ATCAY: variants seen among roughly 807,000 people sequenced by gnomAD.
The protein encoded by ATCAY is caytaxin.
ATCAY carries 22 observed loss-of-function variants against 47.7 expected under a neutral mutation model. That is an observed-to-expected ratio of 0.46 (90% CI 0.33 to 0.66). The LOEUF (loss-of-function observed/expected upper bound fraction) is 0.66, where lower values mean the gene tolerates loss of function less well. ATCAY is among the 30% of genes least tolerant of loss of function. ATCAY has a pLI of 0.02. For synonymous variants in ATCAY, 216 were observed against 207.6 expected, an observed-to-expected ratio of 1.04 and a Z score of -0.35; for missense variants, 452 against 515.0, an observed-to-expected ratio of 0.88 and a Z score of 1.18.
rs2038867309 is a variant in ATCAY, at chr19:3,907,062, A to G, written c.359-672A>G. Among the ~76,000 whole-genome samples, 1 of 149,486 alleles carries G rather than the reference A, an allele frequency of 6.7e-6. No individual in the cohort carries two copies. Among genetic ancestry groups the G allele is most frequent in the Admixed American group, 6.8e-5 (1 of 14,792 alleles). ...GGCAGGAGAATCGCTTGAACTCTGG[A>G]GGCAGAGGCTGCAGTGAGCAGAGAT... is the stretch of plus-strand genomic sequence containing the variant. On this transcript the variant is annotated intron_variant, in intron 4 of 12. Transcript: ENST00000450849. This position sits in a 1 kb window ranked among gnomAD's most constrained non-coding sequence, Gnocchi z 5.1.
intron 2 of ATCAY, 143 bp downstream of exon 2, chr19:3,885,987 C>A: frequency 1.3e-6 from 1 of 781,338 alleles, no homozygotes; most frequent in East Asian, 2.7e-5. Flanking sequence ...CTCTCCCGCA[C>A]ACTCTGGGAG....
chr19:3,922,537 C>A (rs1599150198), intron 12 of ATCAY, among the ~76,000 whole-genome samples: 1 of 152,244 alleles, frequency 6.6e-6, no homozygotes, highest in East Asian at 1.9e-4. Context: ...GTTATGGGAA[C>A]TACAATTCAA....
chr19:3,923,484 T>C (rs1599150607), intron 12 of ATCAY, among the ~76,000 whole-genome samples: 1 of 147,964 alleles, frequency 6.8e-6, no homozygotes, highest in East Asian at 2.1e-4. Flanking sequence ...GTTTGGATGA[T>C]GGGTGGATAG....
intron 6 of ATCAY, among the ~76,000 whole-genome samples, chr19:3,909,105 C>T (rs1379924046): frequency 2.3e-5 from 3 of 129,172 alleles, no homozygotes; most frequent in South Asian, 3.0e-4. Context: ...GGCTCGGTGG[C>T]AGGCGCCTGT....
At position 3,909,540 on chromosome 19, in the gene ATCAY, C is replaced by T. The variant is rs769951773; in HGVS notation, c.702C>T (p.Tyr234=). The T allele has an allele frequency of 1.9e-6, 3 of 1,613,828 alleles. No homozygotes were observed. Among genetic ancestry groups the T allele is most frequent in the South Asian group, 1.1e-5 (1 of 91,078 alleles). ...TGGCTGAGGACTACATGATCGTGTA[C>T]CTGAACGGTGCCACGCCCCGGCGGA... ...LLVAEDYMIV[Y]LNGATPRRRM... The change falls in exon 7 of 13, where the codon TAC becomes TAT. Residue 234 remains tyrosine (Y), a synonymous_variant. Coordinates refer to ENST00000450849, the MANE Select transcript of ATCAY (RefSeq NM_033064.5).
At chr19:3,886,993 C>G (rs1235268519) in intron 2 of ATCAY, among the ~76,000 whole-genome samples, 1 of 151,916 alleles carries the variant, frequency 6.6e-6, no homozygotes, top group African/African-American at 2.4e-5. Context: ...CTACGCTGAA[C>G]ATTTTGCAGG....
chr19:3,892,781 A>G (rs573300333), intron 2 of ATCAY, among the ~76,000 whole-genome samples: 93 of 151,964 alleles, frequency 6.1e-4, no homozygotes, highest in African/African-American at 2.0e-3. Flanking sequence ...GGTGGCGGGC[A>G]CCTGTAATCC....
At chr19:3,924,435 C>G (rs1599151349) in intron 12 of ATCAY, 148 bp from the exon 13 acceptor site, 1 of 922,154 alleles carries the variant, frequency 1.1e-6, no homozygotes, top group Non-Finnish European at 1.7e-6. Context: ...TGGCAGGAGC[C>G]GGGCCCTGAA....
At chr19:3,904,160 C>T (rs918278715) in intron 3 of ATCAY, among the ~76,000 whole-genome samples, 47 of 150,834 alleles carry the variant, frequency 3.1e-4, no homozygotes, top group African/African-American at 9.2e-4. Flanking sequence ...CTAAACAAAA[C>T]AAAACAAAAA....
intron 2 of ATCAY, 140 bp downstream of exon 2, chr19:3,885,984 G>A (rs929859916): frequency 2.5e-5 from 20 of 787,956 alleles, no homozygotes; most frequent in Admixed American, 2.3e-4. Flanking sequence ...CTCCTCTCCC[G>A]CACACTCTGG....
intron 9 of ATCAY, among the ~76,000 whole-genome samples, chr19:3,915,045 A>G (rs2038955200): frequency 1.3e-5 from 2 of 152,126 alleles, no homozygotes. Context: ...TTTTCACTGA[A>G]TGTCATATCA....
At position 3,907,968 on chromosome 19, in the gene ATCAY, G is replaced by A. The variant is rs1397196828; in HGVS notation, c.544+49G>A. The A allele has an allele frequency of 1.3e-6, 2 of 1,580,878 alleles. No individual in the cohort carries two copies. Among genetic ancestry groups the A allele is most frequent in the Non-Finnish European group, 1.7e-6 (2 of 1,161,866 alleles). ...CCTTGGGGCTCCAGCCCGGCCCACTGGGCAACAGGGGGTTCGTCAGTGCCC... is the reference window on the plus strand; with the variant it reads ...CCTTGGGGCTCCAGCCCGGCCCACTAGGCAACAGGGGGTTCGTCAGTGCCC... On this transcript the variant is annotated intron_variant, in intron 5 of 12. Transcript: ENST00000450849. This position sits in a 1 kb window ranked among gnomAD's most constrained non-coding sequence, Gnocchi z 5.1.
chr19:3,905,999 C>T (rs192576949), intron 4 of ATCAY, among the ~76,000 whole-genome samples: 7 of 151,990 alleles, frequency 4.6e-5, no homozygotes, highest in Non-Finnish European at 5.9e-5. Context: ...AGTGAAACCC[C>T]GTCTCTACTA....
chr19:3,909,115 T>C, intron 6 of ATCAY, among the ~76,000 whole-genome samples: 1 of 131,796 alleles, frequency 7.6e-6, no homozygotes, highest in Non-Finnish European at 1.6e-5. Flanking sequence ...CAGGCGCCTG[T>C]AATCCCAGCT....
chr19:3,885,759 C>T lies in ATCAY; in HGVS notation c.-9C>T. 6.4e-7 allele frequency: 1 copy of T among 1,550,744 alleles called. No individual in the cohort carries two copies. The highest frequency in any genetic ancestry group is 1.2e-5 in the South Asian group (1 of 84,002). ...CCCTGCTTCAAGCCAGTGCCTCTTC[C>T]CAGCTCCCATGGGGACCACCGAAGC... On this transcript the variant is annotated 5_prime_UTR_variant, in exon 2 of 13. Transcript: ENST00000450849.
In ATCAY at chr19:3,927,901, TG is replaced by T. The variant is rs1265841742; in HGVS notation, c.*3312del. 3 of 152,162 alleles carry T rather than the reference TG, an allele frequency of 2.0e-5. No individual in the cohort carries two copies. Among genetic ancestry groups the T allele is most frequent in the Non-Finnish European group, 4.4e-5 (3 of 68,034 alleles). 9.4% of individuals were successfully genotyped at this position (152,162 alleles called of 1,614,324 possible). On this transcript the variant is annotated 3_prime_UTR_variant, in exon 13 of 13. Coordinates refer to ENST00000450849, the MANE Select transcript of ATCAY (RefSeq NM_033064.5). ...TGTTGGGTTTCCCTCTGGTGACACA[TG>T]GGATGCGTCATAAACCCTCCCCCAA...
intron 2 of ATCAY, among the ~76,000 whole-genome samples, chr19:3,886,432 A>G (rs2038656415): frequency 6.6e-6 from 1 of 151,966 alleles, no homozygotes; most frequent in Non-Finnish European, 1.5e-5. Flanking sequence ...CTCTACTAAA[A>G]ATACAAAAAT....
intron 9 of ATCAY, 28 bp downstream of exon 9, chr19:3,913,884 G>T: frequency 2.5e-6 from 4 of 1,578,418 alleles, no homozygotes; most frequent in Non-Finnish European, 3.5e-6. Context: ...CCACCCCGCC[G>T]TATTAGTCTG....
chr19:3,892,522 T>G (rs1213742113), intron 2 of ATCAY, among the ~76,000 whole-genome samples: 1 of 152,148 alleles, frequency 6.6e-6, no homozygotes, highest in Non-Finnish European at 1.5e-5. Flanking sequence ...CTTCCAAACT[T>G]GGAAAAAAAT....
Sources: gnomAD v4.1 joint callset for allele counts (sites outside exome capture counted in the v4.1 genomes callset) on GRCh38, gnomAD v4.1.1 for gene constraint, Gnocchi (gnomAD v3.1) non-coding constraint, MANE v1.5 for transcripts, NCBI Gene and HGNC (gene_info 2026-07-23, HGNC 2026-07-21) for gene names.